Variants in PPP2R2C observed in about 807,000 individuals in gnomAD.
The protein encoded by PPP2R2C is protein phosphatase 2, regulatory subunit B, gamma.
Under a neutral mutation model 45.3 loss-of-function variants are expected in PPP2R2C, and 10 were observed. The ratio of observed to expected loss-of-function variants is 0.22; its 90% CI spans 0.14 to 0.37. PPP2R2C has a LOEUF of 0.37. PPP2R2C is among the 10% of genes least tolerant of loss of function. The probability of loss-of-function intolerance (pLI) is 1.00; values close to 1 mark genes in which losing one functional copy is unlikely to be tolerated. For missense variants in PPP2R2C, 308 were observed against 619.7 expected, an observed-to-expected ratio of 0.50 and a Z score of 5.34; for synonymous variants, 257 against 245.4, an observed-to-expected ratio of 1.05 and a Z score of -0.44.
intron 1 of PPP2R2C, among the ~76,000 whole-genome samples, chr4:6,405,923 CTTTGT>C (rs1221526877): frequency 6.6e-6 from 1 of 152,132 alleles, no homozygotes; most frequent in South Asian, 2.1e-4. Context: ...TGGCTCGATA[CTTTGT>C]TTTGTTTCCT....
At position 6,457,186 on chromosome 4, in the gene PPP2R2C, C is replaced by T. The variant is rs1163652790; in HGVS notation, c.70+14974G>A. Among the ~76,000 whole-genome samples, 5 of 123,020 alleles carry T rather than the reference C, an allele frequency of 4.1e-5. No individual in the cohort carries two copies. The East Asian group carries it at 7.8e-4, about 19-fold the overall frequency. 80.7% of individuals were successfully genotyped at this position (123,020 alleles called of 152,430 possible). A position where few individuals can be genotyped will look rare whatever the true frequency, so the allele number is the denominator to read the frequency against. ...TGACACCACTGTACCCCGACCTGGG[C>T]GACAGAGCGAGACTCCATCTCAAAA... On this transcript the variant is annotated intron_variant, in intron 1 of 8. Transcript: ENST00000382599.
intron 1 of PPP2R2C, among the ~76,000 whole-genome samples, chr4:6,554,930 G>GGAAAGAAAGAAAGAAAGAAAGAAA (rs71173447): frequency 1.4e-4 from 16 of 116,184 alleles, no homozygotes; most frequent in African/African-American, 5.8e-4. Context: ...AAGGAAGGAA[G>GGAAAGAAAGAAAGAAAGAAAGAAA]GAAAGAAAGA....
intron 1 of PPP2R2C, among the ~76,000 whole-genome samples, chr4:6,548,411 AC>A (rs1041830959): frequency 1.6e-4 from 25 of 152,244 alleles, no homozygotes; most frequent in African/African-American, 5.5e-4. Flanking sequence ...ATCCCAAAGC[AC>A]AGACACAAGG....
intron 5 of PPP2R2C, among the ~76,000 whole-genome samples, chr4:6,353,591 G>GCCCCCCCACACCGACAGCC (rs556625325): frequency 8.8e-4 from 1 of 1,134 alleles, no homozygotes; most frequent in African/African-American, 6.6e-3. Context: ...CAAACCGACA[G>GCCCCCCCACACCGACAGCC]CCCCACACTG....
intron 1 of PPP2R2C, among the ~76,000 whole-genome samples, chr4:6,539,043 T>A (rs973718333): frequency 6.6e-6 from 1 of 152,020 alleles, no homozygotes; most frequent in South Asian, 2.1e-4. Context: ...AACCTCAGGA[T>A]GTGATCTTAT....
chr4:6,494,745 A>T (rs1005521255), intron 2 of PPP2R2C, among the ~76,000 whole-genome samples: 1 of 152,186 alleles, frequency 6.6e-6, no homozygotes, highest in Admixed American at 6.5e-5. Flanking sequence ...GATGCATGGG[A>T]AGGGAGAAGG....
At chr4:6,409,044 A>G (rs1717986205) in intron 1 of PPP2R2C, among the ~76,000 whole-genome samples, 1 of 152,158 alleles carries the variant, frequency 6.6e-6, no homozygotes, top group African/African-American at 2.4e-5. Context: ...CACATATAAA[A>G]GGACCATGCT....
intron 6 of PPP2R2C, among the ~76,000 whole-genome samples, chr4:6,339,365 G>A (rs974365330): frequency 2.0e-5 from 3 of 152,256 alleles, no homozygotes; most frequent in African/African-American, 7.2e-5. Flanking sequence ...AGAGAAGCTT[G>A]TGCAGCTGCC....
intron 5 of PPP2R2C, among the ~76,000 whole-genome samples, chr4:6,365,640 G>A (rs779427912): frequency 6.2e-4 from 95 of 152,210 alleles, no homozygotes; most frequent in Non-Finnish European, 1.1e-3. Flanking sequence ...TCCCTCCTTT[G>A]TTCTCTGCAC....
intron 1 of PPP2R2C, among the ~76,000 whole-genome samples, chr4:6,407,862 G>A (rs1278185457): frequency 1.3e-5 from 2 of 152,210 alleles, no homozygotes; most frequent in Non-Finnish European, 2.9e-5. Flanking sequence ...GGGACCACCA[G>A]CCATGGGTGG....
At chr4:6,408,085 T>C (rs1337397256) in intron 1 of PPP2R2C, among the ~76,000 whole-genome samples, 1 of 152,248 alleles carries the variant, frequency 6.6e-6, no homozygotes, top group African/African-American at 2.4e-5. Context: ...ATCAGAAGTT[T>C]TAAAACTACA....
At chr4:6,408,958 TG>T (rs1671570089) in intron 1 of PPP2R2C, among the ~76,000 whole-genome samples, 1 of 150,438 alleles carries the variant, frequency 6.6e-6, no homozygotes, top group South Asian at 2.1e-4. Context: ...CATTAAAAGA[TG>T]CCAAGTGTTG....
At chr4:6,431,995 G>T (rs1719648374) in intron 1 of PPP2R2C, among the ~76,000 whole-genome samples, 1 of 152,134 alleles carries the variant, frequency 6.6e-6, no homozygotes, top group Non-Finnish European at 1.5e-5. Context: ...CCTTTATAAA[G>T]CCACTGATCC....
At chr4:6,384,248 A>C (rs368518487) in intron 1 of PPP2R2C, 10 of 985,214 alleles carry the variant, frequency 1.0e-5, no homozygotes, top group Non-Finnish European at 1.2e-5. Flanking sequence ...TCATATTAAA[A>C]CCCCCTGAGG....
chr4:6,432,234 C>T (rs1719664929), intron 1 of PPP2R2C, among the ~76,000 whole-genome samples: 1 of 152,208 alleles, frequency 6.6e-6, no homozygotes, highest in Admixed American at 6.5e-5. Context: ...TCCCCACCCT[C>T]CCTTGCCTCT....
Position 6,485,420 on chromosome 4 carries a change from T to C in PPP2R2C, c.49+49851A>G, listed in dbSNP as rs537215726. 2.0e-5 allele frequency among the ~76,000 whole-genome samples: 3 copies of C among 152,038 alleles called. No individual in the cohort carries two copies. The East Asian group carries it at 5.8e-4, about 29-fold the overall frequency. On this transcript the variant is annotated intron_variant, in intron 2 of 9. Coordinates refer to the PPP2R2C transcript ENST00000506140. ...TGATTTGGAAAGTGTTCTCAAGTTTTTGGAAGAGTTTATGTAGAATTAGTA... is the reference window on the plus strand; with the variant it reads ...TGATTTGGAAAGTGTTCTCAAGTTTCTGGAAGAGTTTATGTAGAATTAGTA...
At chr4:6,498,256 C>A (rs1195218765) in intron 2 of PPP2R2C, among the ~76,000 whole-genome samples, 1 of 152,226 alleles carries the variant, frequency 6.6e-6, no homozygotes, top group African/African-American at 2.4e-5. Flanking sequence ...AATCCAAAAT[C>A]TTTGCGCAGC....
intron 1 of PPP2R2C, among the ~76,000 whole-genome samples, chr4:6,467,319 T>A (rs1291527435): frequency 6.6e-6 from 1 of 152,152 alleles, no homozygotes; most frequent in Non-Finnish European, 1.5e-5. Context: ...CTGATGACAG[T>A]TCTAAGGGCT....
intron 1 of PPP2R2C, among the ~76,000 whole-genome samples, chr4:6,422,267 G>A (rs181789340): frequency 1.4e-4 from 21 of 152,318 alleles, no homozygotes; most frequent in African/African-American, 5.1e-4. Flanking sequence ...ACTTGCGTGA[G>A]ACCAAGGCAG....
Sources: allele counts gnomAD v4.1 joint callset (sites outside exome capture counted in the v4.1 genomes callset), GRCh38; gene constraint gnomAD v4.1.1; transcripts MANE v1.5; gene names NCBI Gene and HGNC (gene_info 2026-07-23, HGNC 2026-07-21).